MPRIP: variants seen among roughly 807,000 people sequenced by gnomAD.
MPRIP encodes myosin phosphatase Rho-interacting protein.
MPRIP carries 59 observed loss-of-function variants against 234.9 expected under a neutral mutation model. That is an observed-to-expected ratio of 0.25 (90% CI 0.20 to 0.31). The LOEUF (loss-of-function observed/expected upper bound fraction) is 0.31, where lower values mean the gene tolerates loss of function less well. MPRIP is among the 10% of genes least tolerant of loss of function. The pLI, the probability that MPRIP is intolerant of heterozygous loss-of-function variation, is 1.00. For missense variants in MPRIP, 2,436 were observed against 3,071.0 expected (o/e 0.79, Z 4.89); for synonymous variants, 1,144 against 1,263.9 (o/e 0.91, Z 2.01).
chr17:17,049,700 A>G (rs569902228), intron 1 of MPRIP, among the ~76,000 whole-genome samples: 1 of 152,316 alleles, frequency 6.6e-6, no homozygotes, highest in South Asian at 2.1e-4. Flanking sequence ...AACAGGCAAA[A>G]TCGAGGAGGT....
intron 1 of MPRIP, among the ~76,000 whole-genome samples, chr17:17,043,544 G>A (rs1046342472): frequency 1.3e-5 from 2 of 152,164 alleles, no homozygotes; most frequent in Non-Finnish European, 2.9e-5. Flanking sequence ...CTGGCCGAGG[G>A]GTGAGGAGAC....
intron 1 of MPRIP, among the ~76,000 whole-genome samples, chr17:17,064,953 A>G (rs2088977385): frequency 6.6e-6 from 1 of 152,218 alleles, no homozygotes; most frequent in African/African-American, 2.4e-5. Context: ...CCAGCAGTGT[A>G]TGAGTGATAG....
chr17:17,130,344 TTTC>T (rs946506083), intron 4 of MPRIP, among the ~76,000 whole-genome samples: 8 of 151,932 alleles, frequency 5.3e-5, no homozygotes, highest in African/African-American at 1.9e-4. Flanking sequence ...CCTTCCCTCC[TTTC>T]TTCATTTTCT....
chr17:17,056,617 T>G (rs1294242661), intron 1 of MPRIP, among the ~76,000 whole-genome samples: 6 of 128,826 alleles, frequency 4.7e-5, no homozygotes, highest in Admixed American at 3.0e-4. Flanking sequence ...TTTTGAGGGG[T>G]TTTTTTTTTG....
intron 9 of MPRIP, among the ~76,000 whole-genome samples, chr17:17,145,333 G>A (rs2045435387): frequency 1.3e-5 from 2 of 152,144 alleles, no homozygotes; most frequent in African/African-American, 4.8e-5. Context: ...AGAGCACCTC[G>A]GACCAGAGAT....
intron 3 of MPRIP, 73 bp from the exon 4 acceptor site, chr17:17,126,629 A>G (rs1469231663): frequency 8.6e-6 from 13 of 1,505,416 alleles, no homozygotes; most frequent in Non-Finnish European, 1.1e-5. Flanking sequence ...AGGGTCAGGA[A>G]TGGCCTGGGG....
At chr17:17,142,565 G>A (rs774404610) in intron 7 of MPRIP, 62 bp from the exon 8 acceptor site, 56 of 1,582,516 alleles carry the variant, frequency 3.5e-5, no homozygotes, top group Non-Finnish European at 4.4e-5. Flanking sequence ...GGAGGAGTCG[G>A]CTCACTGCCA....
intron 5 of MPRIP, among the ~76,000 whole-genome samples, chr17:17,133,778 C>T (rs756744566): frequency 1.5e-4 from 23 of 152,192 alleles, no homozygotes; most frequent in African/African-American, 5.5e-4. Context: ...GAGTCTAGGC[C>T]TGGGAGAAGA....
At position 17,192,605 on chromosome 17, in the gene MPRIP, T is replaced by C. The variant is rs1343276089; in HGVS notation, c.*7711T>C. The C allele has an allele frequency of 1.3e-5, 2 of 152,178 alleles. No individual in the cohort carries two copies. The highest frequency in any genetic ancestry group is 2.9e-5 in the Non-Finnish European group (2 of 68,020). 9.4% of individuals were successfully genotyped at this position (152,178 alleles called of 1,614,324 possible). On this transcript the variant is annotated 3_prime_UTR_variant, in exon 24 of 24. Coordinates refer to ENST00000651222, the MANE Select transcript of MPRIP (RefSeq NM_001364716.4). ...TTATTTTGTAAATATTACCTAACTT[T>C]ACATAAACTATATCATAATAAACTA...
intron 4 of MPRIP, among the ~76,000 whole-genome samples, chr17:17,127,797 G>A (rs565922631): frequency 3.3e-5 from 5 of 152,334 alleles, no homozygotes; most frequent in African/African-American, 7.2e-5. Context: ...CAGATGACTC[G>A]GAGCACCAGC....
chr17:17,059,302 A>C (rs1473002465), intron 1 of MPRIP, among the ~76,000 whole-genome samples: 1 of 152,094 alleles, frequency 6.6e-6, no homozygotes, highest in Non-Finnish European at 1.5e-5. Flanking sequence ...TCTACTGTAC[A>C]CTCATGAAAG....
chr17:17,042,967 C>T lies in MPRIP; in HGVS notation c.119C>T (p.Thr40Met). ...ESHLLNDEDL[T>M]QAKPIYGGWL... ...CATCTGCTCAACGACGAGGACCTGACGCAGGTGAGCGACTGGGGCCGGCCC... is the reference window on the plus strand; with the variant it reads ...CATCTGCTCAACGACGAGGACCTGATGCAGGTGAGCGACTGGGGCCGGCCC... Residue 40 changes from threonine (T) to methionine (M), a missense_variant, in exon 1 of 24, where the codon ACG (threonine) becomes ATG (methionine). Coordinates refer to ENST00000651222, the MANE Select transcript of MPRIP (RefSeq NM_001364716.4). The T allele has an allele frequency of 1.2e-6, 2 of 1,609,916 alleles. No homozygotes were observed. The highest frequency in any genetic ancestry group is 1.7e-6 in the Non-Finnish European group (2 of 1,178,226).
In MPRIP at chr17:17,102,257, A is replaced by T. The variant is rs117131306; in HGVS notation, c.267+24181A>T. 5.0e-3 allele frequency among the ~76,000 whole-genome samples: 757 copies of T among 152,212 alleles called. 4 individuals carry two copies. Among genetic ancestry groups the T allele is most frequent in the Non-Finnish European group, 6.9e-3 (466 of 68,008 alleles). ...GTCAAGGCCAGGCCTTGGGCCAGGA[A>T]GGGGGCTATACCATCAGCTCCCCAA... On this transcript the variant is annotated intron_variant, in intron 3 of 23. Coordinates refer to ENST00000651222, the MANE Select transcript of MPRIP (RefSeq NM_001364716.4).
At chr17:17,059,785 G>C (rs748642174) in intron 1 of MPRIP, among the ~76,000 whole-genome samples, 12 of 152,244 alleles carry the variant, frequency 7.9e-5, no homozygotes, top group Non-Finnish European at 1.8e-4. Context: ...GAGAGCAGCA[G>C]AATGTGGGGA....
intron 17 of MPRIP, among the ~76,000 whole-genome samples, 200 bp downstream of exon 17, chr17:17,172,065 A>G (rs1048104882): frequency 6.6e-6 from 1 of 152,222 alleles, no homozygotes; most frequent in Non-Finnish European, 1.5e-5. Context: ...CTGAGAGCGC[A>G]CACTTCGACC....
At chr17:17,073,355 G>A (rs950270924) in intron 1 of MPRIP, among the ~76,000 whole-genome samples, 4 of 152,206 alleles carry the variant, frequency 2.6e-5, no homozygotes, top group African/African-American at 4.8e-5. Context: ...CCATGCACAC[G>A]GGGTTCCTGA....
rs763890992 is a variant in MPRIP, at chr17:17,075,673, A to AG, written c.124-35dup. The AG allele has an allele frequency of 4.8e-5, 76 of 1,575,986 alleles. No individual in the cohort carries two copies. The African/African-American group carries it at 9.8e-4, about 20-fold the overall frequency. On this transcript the variant is annotated intron_variant, in intron 1 of 23. Coordinates refer to ENST00000651222, the MANE Select transcript of MPRIP (RefSeq NM_001364716.4). ...TGACCTGTTCTCTCTTCTGGGTTGA[A>AG]GGCTGCTGGTGACCTGCCCTCTTTT...
In MPRIP at chr17:17,188,475, C is replaced by T. The variant is rs564706672; in HGVS notation, c.*3581C>T. 6.6e-6 allele frequency: 1 copy of T among 152,308 alleles called. No individual in the cohort carries two copies. Among genetic ancestry groups the T allele is most frequent in the Non-Finnish European group, 1.5e-5 (1 of 68,104 alleles). 9.4% of individuals were successfully genotyped at this position (152,308 alleles called of 1,614,324 possible). On this transcript the variant is annotated 3_prime_UTR_variant, in exon 24 of 24. Coordinates refer to ENST00000651222, the MANE Select transcript of MPRIP (RefSeq NM_001364716.4). The stretch of plus-strand genomic sequence containing the variant: ...AACCTGTTTCTGCAGCAGCCACCAG[C>T]TCCCATCACCCCTTGACCCTCCAGC...
chr17:17,150,692 G>A (rs924817599), intron 12 of MPRIP, among the ~76,000 whole-genome samples: 7 of 115,018 alleles, frequency 6.1e-5, no homozygotes, highest in African/African-American at 2.4e-4. Context: ...GCATTGCACT[G>A]TTCTCAAAAA....
Sources: allele counts gnomAD v4.1 joint callset (sites outside exome capture counted in the v4.1 genomes callset), GRCh38; gene constraint gnomAD v4.1.1; transcripts MANE v1.5; gene names NCBI Gene and HGNC (gene_info 2026-07-23, HGNC 2026-07-21).